Variants in CEMIP observed in about 807,000 individuals in gnomAD.
CEMIP encodes cell migration-inducing and hyaluronan-binding protein.
In CEMIP, 105 loss-of-function variants were observed where a neutral mutation model predicts 156.9. The observed-to-expected ratio is 0.67, with a 90% CI of 0.57 to 0.79. The LOEUF (loss-of-function observed/expected upper bound fraction) is 0.79. CEMIP is among the 30% of genes least tolerant of loss of function. The pLI is 0.00. For missense variants in CEMIP, 1,457 were observed against 1,769.4 expected (o/e 0.82, Z 3.17); for synonymous variants, 676 against 668.4 (o/e 1.01, Z -0.17).
At chr15:80,803,356 G>A (rs776332963) in intron 1 of CEMIP, among the ~76,000 whole-genome samples, 8 of 152,100 alleles carry the variant, frequency 5.3e-5, no homozygotes, top group Non-Finnish European at 1.2e-4. Context: ...CACTAGGCAG[G>A]AATGCTATTC....
In CEMIP at chr15:80,920,358, G is replaced by A. The variant is rs1456800905; in HGVS notation, c.2003+59G>A. 4 of 1,481,086 alleles carry A rather than the reference G, an allele frequency of 2.7e-6. No homozygotes were observed. In the African/African-American group the frequency reaches 4.2e-5, roughly 15 times the overall value. The allele number at this position is 1,481,086 out of a possible 1,614,324, so 91.7% of individuals were successfully genotyped here. ...GGAAGGGGTGTACATGTGTGTGCAT[G>A]TGTTCACTCAGCTCAGCCCAGCACC... On this transcript the variant is annotated intron_variant, in intron 15 of 29. Transcript: ENST00000394685.
intron 1 of CEMIP, among the ~76,000 whole-genome samples, chr15:80,829,143 G>C (rs912493400): frequency 1.3e-5 from 2 of 152,168 alleles, no homozygotes; most frequent in Non-Finnish European, 2.9e-5. Context: ...CCTGATGGAG[G>C]CCTGACCCAT....
chr15:80,916,808 C>T lies in CEMIP; in HGVS notation c.1798-3286C>T, dbSNP rs115301481. Among the ~76,000 whole-genome samples, 258 of 152,204 alleles carry T rather than the reference C, an allele frequency of 1.7e-3. 2 individuals carry two copies. The highest frequency in any genetic ancestry group is 6.0e-3 in the African/African-American group (250 of 41,522). ...GTAACTTGTGTCTTCTACCCCCACCCGAGGGCTGTCCTCGGCCTTATCATG... is the reference window on the plus strand; with the variant it reads ...GTAACTTGTGTCTTCTACCCCCACCTGAGGGCTGTCCTCGGCCTTATCATG... On this transcript the variant is annotated intron_variant, in intron 14 of 29. Coordinates refer to ENST00000394685, the MANE Select transcript of CEMIP (RefSeq NM_001293298.2).
chr15:80,819,775 G>A (rs560148144), intron 1 of CEMIP, among the ~76,000 whole-genome samples: 1 of 152,328 alleles, frequency 6.6e-6, no homozygotes, highest in East Asian at 1.9e-4. Context: ...CCCATGCCAG[G>A]TATTTCTTAT....
At chr15:80,923,571 T>C (rs1900551661) in intron 17 of CEMIP, among the ~76,000 whole-genome samples, 1 of 152,016 alleles carries the variant, frequency 6.6e-6, no homozygotes. Context: ...CAGGTGGGGA[T>C]GGGCCTTGAA....
At chr15:80,920,070 A>G (rs966595913) in intron 14 of CEMIP, 24 bp from the exon 15 acceptor site, 3 of 1,612,516 alleles carry the variant, frequency 1.9e-6, no homozygotes, top group Non-Finnish European at 2.5e-6. Flanking sequence ...GCTTGGTGAA[A>G]CACCCCTGTC....
chr15:80,803,024 C>T (rs1896417601), intron 1 of CEMIP, among the ~76,000 whole-genome samples: 1 of 152,164 alleles, frequency 6.6e-6, no homozygotes, highest in Non-Finnish European at 1.5e-5. Context: ...AGTCCAAGCT[C>T]AGGATGCCAG....
chr15:80,805,887 T>G (rs1293249949), intron 1 of CEMIP, among the ~76,000 whole-genome samples: 1 of 152,238 alleles, frequency 6.6e-6, no homozygotes, highest in Non-Finnish European at 1.5e-5. Flanking sequence ...GTTTGAGTCA[T>G]CCTGTGTCAC....
Position 80,942,284 on chromosome 15 carries a change from G to C in CEMIP, c.3646G>C (p.Glu1216Gln). ...GGACCATTTCTTGGAGGTGAAGATG[G>C]AGAGTTCCAAGCAGCACTTCTTCCA... ...TKDHFLEVKM[E>Q]SSKQHFFHLW... The change falls in exon 27 of 30, where the codon GAG (glutamate) becomes CAG (glutamine). Residue 1216 changes from glutamate (E) to glutamine (Q), a missense_variant. By Grantham distance (29) the Glu-to-Gln change is conservative. Coordinates refer to ENST00000394685, the MANE Select transcript of CEMIP (RefSeq NM_001293298.2). 3.7e-6 allele frequency: 6 copies of C among 1,614,156 alleles called. No homozygotes were observed. Among genetic ancestry groups the C allele is most frequent in the Non-Finnish European group, 5.1e-6 (6 of 1,180,004 alleles).
intron 26 of CEMIP, 36 bp from the exon 27 acceptor site, chr15:80,942,215 A>G (rs1244680855): frequency 3.7e-5 from 59 of 1,577,948 alleles, no homozygotes; most frequent in Non-Finnish European, 4.9e-5. Context: ...GACTACCCAA[A>G]CCTAACAATT....
chr15:80,893,096 A>G (rs1313392084), intron 10 of CEMIP, among the ~76,000 whole-genome samples: 1 of 152,110 alleles, frequency 6.6e-6, no homozygotes, highest in Non-Finnish European at 1.5e-5. Context: ...CTGAGGCAGA[A>G]GAATCGCTTG....
chr15:80,783,417 C>T (rs1895847039), intron 1 of CEMIP, among the ~76,000 whole-genome samples: 1 of 152,206 alleles, frequency 6.6e-6, no homozygotes, highest in African/African-American at 2.4e-5. Flanking sequence ...AGCTATCTCT[C>T]ACTGCTTGTT....
intron 13 of CEMIP, among the ~76,000 whole-genome samples, chr15:80,908,235 C>T (rs879827370): frequency 4.6e-5 from 7 of 152,170 alleles, no homozygotes; most frequent in African/African-American, 1.7e-4. Flanking sequence ...GCCCCCTTTT[C>T]AATCCTGAGA....
chr15:80,803,332 C>T (rs1049643827), intron 1 of CEMIP, among the ~76,000 whole-genome samples: 1 of 152,104 alleles, frequency 6.6e-6, no homozygotes, highest in African/African-American at 2.4e-5. Flanking sequence ...GATGACTTCC[C>T]ATGGTCATCA....
chr15:80,870,646 G>A (rs1393843188), intron 1 of CEMIP, among the ~76,000 whole-genome samples: 2 of 152,082 alleles, frequency 1.3e-5, no homozygotes, highest in East Asian at 3.9e-4. Context: ...AGCAACGCCA[G>A]CAAGCAACGC....
intron 7 of CEMIP, among the ~76,000 whole-genome samples, chr15:80,885,362 G>A (rs78168132): frequency 3.9e-5 from 6 of 152,254 alleles, no homozygotes; most frequent in South Asian, 2.1e-4. Context: ...TGCATTTTCC[G>A]ACAGCCCAGA....
intron 4 of CEMIP, 32 bp from the exon 5 acceptor site, chr15:80,879,684 T>A: frequency 6.2e-7 from 1 of 1,613,986 alleles, no homozygotes; most frequent in Non-Finnish European, 8.5e-7. Flanking sequence ...AACACTGTGT[T>A]ATTAAACCTC....
Position 80,905,638 on chromosome 15 carries a change from C to T in CEMIP, c.1412-1025C>T, listed in dbSNP as rs572920803. Among the ~76,000 whole-genome samples, 22 of 152,208 alleles carry T rather than the reference C, an allele frequency of 1.4e-4. No homozygotes were observed. The East Asian group carries it at 3.1e-3, about 21-fold the overall frequency. On this transcript the variant is annotated intron_variant, in intron 12 of 29. Coordinates refer to ENST00000394685, the MANE Select transcript of CEMIP (RefSeq NM_001293298.2). ...GGCTCTGATTACAGCAGGAGAAAGA[C>T]TGGCAATTACTAGGAGGGGTAGCAG... is the stretch of plus-strand genomic sequence containing the variant.
intron 29 of CEMIP, 166 bp downstream of exon 29, chr15:80,947,231 G>A (rs1567114715): frequency 1.6e-6 from 1 of 611,850 alleles, no homozygotes; most frequent in Admixed American, 2.7e-5. Context: ...GAATGGATGG[G>A]CAAGATGCCA....
Sources: allele counts gnomAD v4.1 joint callset (sites outside exome capture counted in the v4.1 genomes callset), GRCh38; gene constraint gnomAD v4.1.1; transcripts MANE v1.5; gene names NCBI Gene and HGNC (gene_info 2026-07-23, HGNC 2026-07-21).